The following ARNT2 variants were observed in gnomAD, a reference collection of about 807,000 sequenced individuals.
ARNT2 encodes the protein aryl hydrocarbon receptor nuclear translocator 2, also known as ARNT protein 2.
A neutral mutation model predicts 91.7 loss-of-function variants in ARNT2; 36 were observed. The ratio of observed to expected loss-of-function variants is 0.39; its 90% CI spans 0.30 to 0.52. The LOEUF (loss-of-function observed/expected upper bound fraction) is 0.52, where lower values mean the gene tolerates loss of function less well. Ranked by LOEUF, ARNT2 falls within the 20% of genes least tolerant of loss-of-function variation. The probability of loss-of-function intolerance (pLI) is 0.72; values close to 1 mark genes in which losing one functional copy is unlikely to be tolerated. For synonymous variants in ARNT2, 365 were observed against 347.1 expected (o/e 1.05, Z -0.57); for missense variants, 775 against 939.3 (o/e 0.83, Z 2.29).
intron 18 of ARNT2, among the ~76,000 whole-genome samples, chr15:80,592,560 A>G (rs1049459764): frequency 4.6e-5 from 7 of 152,116 alleles, no homozygotes; most frequent in Non-Finnish European, 1.0e-4. Flanking sequence ...AGTGCTCCAT[A>G]TACCCCACCC....
intron 6 of ARNT2, among the ~76,000 whole-genome samples, chr15:80,511,772 C>A (rs369466603): frequency 2.0e-5 from 3 of 151,696 alleles, no homozygotes; most frequent in Non-Finnish European, 4.4e-5. Flanking sequence ...GAAGAACCAG[C>A]AAAGGAGACT....
rs771940901 is a variant in ARNT2 at position 80,445,392 on chromosome 15, TGTC to T, written c.32-5485_32-5483del. ...GTGGAGTGTGTAGGGTGTGTGCAGG[TGTC>T]GTGTATGTGTGTTGAGAGCAGTGGG... On this transcript the variant is annotated intron_variant, in intron 1 of 18. Coordinates refer to ENST00000303329, the MANE Select transcript of ARNT2 (RefSeq NM_014862.4). Among the ~76,000 whole-genome samples the T allele has an allele frequency of 2.4e-3, 342 of 144,540 alleles. 1 individual carries two copies. Among genetic ancestry groups the T allele is most frequent in the Non-Finnish European group, 3.9e-3 (255 of 65,980 alleles). 94.8% of individuals were successfully genotyped at this position (144,540 alleles called of 152,430 possible).
At chr15:80,496,785 A>T (rs1421886405) in intron 5 of ARNT2, among the ~76,000 whole-genome samples, 1 of 152,200 alleles carries the variant, frequency 6.6e-6, no homozygotes, top group Admixed American at 6.5e-5. Flanking sequence ...ACTTGTAGAG[A>T]AAAGCATTAG....
At chr15:80,508,788 T>C (rs937008383) in intron 6 of ARNT2, among the ~76,000 whole-genome samples, 4 of 152,122 alleles carry the variant, frequency 2.6e-5, no homozygotes, top group African/African-American at 9.7e-5. Context: ...TCTAGCAGAG[T>C]CTTCTACATA....
intron 1 of ARNT2, among the ~76,000 whole-genome samples, chr15:80,441,043 C>T (rs1218889769): frequency 2.6e-5 from 4 of 152,210 alleles, no homozygotes; most frequent in Non-Finnish European, 5.9e-5. Flanking sequence ...TTTATTATCT[C>T]TCACTAAAAT....
intron 1 of ARNT2, chr15:80,444,230 G>T (rs1303016073): frequency 6.5e-6 from 1 of 154,002 alleles, no homozygotes; most frequent in Non-Finnish European, 1.5e-5. Flanking sequence ...GTAGGGCTGT[G>T]GGGTCCCAGG....
intron 3 of ARNT2, among the ~76,000 whole-genome samples, chr15:80,469,709 G>C (rs531120173): frequency 6.6e-6 from 1 of 152,118 alleles, no homozygotes; most frequent in East Asian, 1.9e-4. Flanking sequence ...CCATCTCCCA[G>C]GTTCAAGCAA....
rs1893383052 is a variant in ARNT2, at chr15:80,596,902, C to G, written c.*3204C>G. 5.7e-6 allele frequency: 2 copies of G among 349,406 alleles called. No individual in the cohort carries two copies. Among genetic ancestry groups the G allele is most frequent in the Non-Finnish European group, 1.1e-5 (2 of 176,736 alleles). 21.6% of individuals were successfully genotyped at this position (349,406 alleles called of 1,614,324 possible). A position where few individuals can be genotyped will look rare whatever the true frequency, so the allele number is the denominator to read the frequency against. Reference sequence around the variant, plus strand: ...GATGGCCAAGGATGGCTCTAGAACACTCTGTCCATGCGTCACTCCCCCCAG... The same window carrying G: ...GATGGCCAAGGATGGCTCTAGAACAGTCTGTCCATGCGTCACTCCCCCCAG... On this transcript the variant is annotated 3_prime_UTR_variant, in exon 19 of 19. Coordinates refer to ENST00000303329, the MANE Select transcript of ARNT2 (RefSeq NM_014862.4).
At chr15:80,564,996 C>T (rs1479017792) in intron 12 of ARNT2, among the ~76,000 whole-genome samples, 1 of 151,514 alleles carries the variant, frequency 6.6e-6, no homozygotes, top group Non-Finnish European at 1.5e-5. Context: ...ACTATGGGCT[C>T]ATTGCAGCCT....
chr15:80,582,911 C>G (rs920338393), intron 17 of ARNT2, among the ~76,000 whole-genome samples: 4 of 152,180 alleles, frequency 2.6e-5, no homozygotes, highest in Admixed American at 1.3e-4. Context: ...TGGTTCCCCA[C>G]CCGGGTGTGG....
rs201077405 is a variant in ARNT2 at position 80,514,311 on chromosome 15, C to G, written c.792-9C>G. 1.9e-4 allele frequency: 302 copies of G among 1,613,902 alleles called. No individual in the cohort carries two copies. The highest frequency in any genetic ancestry group is 6.6e-4 in the Middle Eastern group (4 of 6,020). ...TGATGAAAACAATTTCACAAATGTTCTTTTTTAGGAATGGCCTTGGCCCTG... is the reference window on the plus strand; with the variant it reads ...TGATGAAAACAATTTCACAAATGTTGTTTTTTAGGAATGGCCTTGGCCCTG... On this transcript the variant is annotated splice_polypyrimidine_tract_variant and intron_variant, in intron 7 of 18. Coordinates refer to ENST00000303329, the MANE Select transcript of ARNT2 (RefSeq NM_014862.4).
chr15:80,447,964 AAC>A (rs1896329878), intron 1 of ARNT2, among the ~76,000 whole-genome samples: 1 of 152,348 alleles, frequency 6.6e-6, no homozygotes, highest in Non-Finnish European at 1.5e-5. Context: ...TGACAACAGA[AAC>A]AGTGTCTGTC....
At chr15:80,565,870 G>A (rs922433561) in intron 12 of ARNT2, among the ~76,000 whole-genome samples, 2 of 119,446 alleles carry the variant, frequency 1.7e-5, no homozygotes, top group African/African-American at 5.7e-5. Flanking sequence ...GGTTGTGTTT[G>A]TTTGTTTTTT....
Position 80,577,644 on chromosome 15 carries a change from G to T in ARNT2, c.1613+679G>T, listed in dbSNP as rs935196145. Reference sequence around the variant, plus strand: ...AAAGTTCCTCATGCCCAGCAGGGCAGGGCTTCTCCAGTGAGGTTGGCCAGA... The same window carrying T: ...AAAGTTCCTCATGCCCAGCAGGGCATGGCTTCTCCAGTGAGGTTGGCCAGA... On this transcript the variant is annotated intron_variant, in intron 15 of 18. Transcript: ENST00000303329. Among the ~76,000 whole-genome samples, 3 of 152,244 alleles carry T rather than the reference G, an allele frequency of 2.0e-5. No homozygotes were observed. In the East Asian group the frequency reaches 5.8e-4, roughly 29 times the overall value.
intron 8 of ARNT2, among the ~76,000 whole-genome samples, chr15:80,523,280 G>A (rs932471642): frequency 1.3e-5 from 2 of 152,200 alleles, no homozygotes; most frequent in African/African-American, 2.4e-5. Context: ...GCTGGCTCCA[G>A]GGGTGGCAGT....
At chr15:80,485,428 A>C (rs980081296) in intron 5 of ARNT2, among the ~76,000 whole-genome samples, 2 of 152,210 alleles carry the variant, frequency 1.3e-5, no homozygotes. Flanking sequence ...CTGGGGATCT[A>C]GTGATGAATA....
chr15:80,503,395 C>T (rs766539850), intron 5 of ARNT2, among the ~76,000 whole-genome samples: 18 of 152,202 alleles, frequency 1.2e-4, no homozygotes, highest in Middle Eastern at 3.2e-3. Context: ...GCCTGAAGAG[C>T]GGCTTCATTG....
intron 3 of ARNT2, among the ~76,000 whole-genome samples, chr15:80,464,984 T>C (rs1896632058): frequency 6.6e-6 from 1 of 152,228 alleles, no homozygotes; most frequent in African/African-American, 2.4e-5. Flanking sequence ...TATGAGCCTA[T>C]GCAAAGGGTC....
At chr15:80,585,995 G>C (rs1475021743) in intron 17 of ARNT2, among the ~76,000 whole-genome samples, 1 of 152,182 alleles carries the variant, frequency 6.6e-6, no homozygotes, top group Non-Finnish European at 1.5e-5. Context: ...GGGCAAAGAA[G>C]GATGGATTTA....
Sources: gnomAD v4.1 joint callset for allele counts (sites outside exome capture counted in the v4.1 genomes callset) on GRCh38, gnomAD v4.1.1 for gene constraint, MANE v1.5 for transcripts, NCBI Gene and HGNC (gene_info 2026-07-23, HGNC 2026-07-21) for gene names.